Variants in SPG7 observed in about 807,000 individuals in gnomAD.
SPG7 encodes mitochondrial inner membrane m-AAA protease component paraplegin.
Under a neutral mutation model 81.9 loss-of-function variants are expected in SPG7, and 103 were observed. The observed-to-expected ratio is 1.26, with a 90% confidence interval of 1.07 to 1.48. The LOEUF (loss-of-function observed/expected upper bound fraction) is 1.48. Among genes scored for constraint, SPG7 ranks in the 40% most tolerant of loss-of-function variants. The probability of loss-of-function intolerance (pLI) is 0.00; values close to 1 mark genes in which losing one functional copy is unlikely to be tolerated. For synonymous variants in SPG7, 534 were observed against 444.2 expected (o/e 1.20, Z -2.54); for missense variants, 1,241 against 1,087.3 (o/e 1.14, Z -1.99).
chr16:89,517,439 G>A (rs538713685), intron 3 of SPG7: 6 of 152,450 alleles, frequency 3.9e-5, no homozygotes, highest in African/African-American at 9.6e-5. Context: ...CTCCTGGCAT[G>A]TGGTAGGTGC....
intron 3 of SPG7, among the ~76,000 whole-genome samples, chr16:89,515,852 C>T (rs536068366): frequency 2.0e-5 from 3 of 150,328 alleles, no homozygotes; most frequent in African/African-American, 4.9e-5. Flanking sequence ...GGACTACAGG[C>T]GTGCGCCACC....
chr16:89,510,622 C>A (rs755377403), intron 2 of SPG7, 30 bp downstream of exon 2: 3 of 1,306,110 alleles, frequency 2.3e-6, no homozygotes, highest in Non-Finnish European at 2.2e-6. Context: ...AGCAGCTGAG[C>A]ATGACTGCAC....
chr16:89,531,281 C>T (rs1341305649), intron 7 of SPG7: 1 of 257,876 alleles, frequency 3.9e-6, no homozygotes, highest in Non-Finnish European at 7.7e-6. Flanking sequence ...CCTGGCACCT[C>T]GGGGCGCTGA....
chr16:89,549,441 T>C, intron 12 of SPG7: 1 of 360,604 alleles, frequency 2.8e-6, no homozygotes, highest in Non-Finnish European at 5.5e-6. Context: ...GGAGGGTTGC[T>C]TGAGGCCAGG....
intron 1 of SPG7, 110 bp downstream of exon 1, chr16:89,508,710 C>A (rs2057966550): frequency 8.9e-7 from 1 of 1,120,158 alleles, no homozygotes; most frequent in Non-Finnish European, 1.3e-6. Context: ...GGGGAGCCTG[C>A]GCCTGTGGGC....
intron 10 of SPG7, chr16:89,545,531 C>T (rs1399645586): frequency 5.0e-6 from 1 of 199,396 alleles, no homozygotes; most frequent in Non-Finnish European, 1.0e-5. Context: ...CCAGGGGACA[C>T]TGCTTCTCCA....
At chr16:89,554,393 G>C in intron 15 of SPG7, 93 bp from the exon 16 acceptor site, 2 of 841,400 alleles carry the variant, frequency 2.4e-6, no homozygotes, top group South Asian at 2.8e-5. Flanking sequence ...GGAGGGGAAA[G>C]GCCGTGTTCC....
rs1273519058 is a variant in SPG7 at position 89,550,664 on chromosome 16, T to A, written c.1779+55T>A. Reference sequence around the variant, plus strand: ...GCCTTGGCCAAAGGTGGGTGGGGAGTCCCGCCTGTGTCTGTAGCTGACTGG... The same window carrying A: ...GCCTTGGCCAAAGGTGGGTGGGGAGACCCGCCTGTGTCTGTAGCTGACTGG... On this transcript the variant is annotated intron_variant, in intron 13 of 16. Coordinates refer to ENST00000645818, the MANE Select transcript of SPG7 (RefSeq NM_003119.4). 14 of 1,211,598 alleles carry A rather than the reference T, an allele frequency of 1.2e-5. No homozygotes were observed. In the African/African-American group the frequency reaches 2.0e-4, roughly 17 times the overall value. 75.1% of individuals were successfully genotyped at this position (1,211,598 alleles called of 1,614,324 possible).
intron 11 of SPG7, chr16:89,547,098 A>G (rs2058574522): frequency 2.9e-6 from 1 of 347,604 alleles, no homozygotes; most frequent in Non-Finnish European, 5.6e-6. Flanking sequence ...AGTCCCGGCA[A>G]AGCCGCCTCC....
At chr16:89,523,575 G>C in intron 3 of SPG7, 2 of 385,112 alleles carry the variant, frequency 5.2e-6, no homozygotes, top group South Asian at 1.9e-5. Flanking sequence ...CGGCTCGGAC[G>C]GCCTGGGACG....
intron 9 of SPG7, chr16:89,537,190 G>C (rs1255680198): frequency 2.1e-6 from 3 of 1,433,490 alleles, no homozygotes; most frequent in Non-Finnish European, 2.7e-6. Flanking sequence ...GGCCGACGCT[G>C]TGCCGGTCGT....
intron 6 of SPG7, 54 bp downstream of exon 6, chr16:89,529,633 A>ATAC: frequency 7.5e-7 from 1 of 1,325,970 alleles, no homozygotes; most frequent in South Asian, 1.2e-5. Context: ...TGTTTGCTGA[A>ATAC]TACTTTTCCC....
At chr16:89,525,879 GCTGAGT>G (rs1202603691) in intron 4 of SPG7, among the ~76,000 whole-genome samples, 2 of 152,162 alleles carry the variant, frequency 1.3e-5, no homozygotes, top group Non-Finnish European at 2.9e-5. Context: ...TGCAGGTGTA[GCTGAGT>G]CTGAGGCACA....
At position 89,548,497 on chromosome 16, in the gene SPG7, G is replaced by A. The variant is rs978782938; in HGVS notation, c.1663+384G>A. On this transcript the variant is annotated intron_variant, in intron 12 of 16. Transcript: ENST00000645818. ...AGCTCCAGCCGCTGACTGTGGGCCG[G>A]AGGGCTGCTGCCGCCCGTGGCTGTG... 7.0e-4 allele frequency: 212 copies of A among 304,320 alleles called. 1 individual carries two copies. The highest frequency in any genetic ancestry group is 3.7e-4 in the Non-Finnish European group (59 of 157,512). The allele number at this position is 304,320 out of a possible 1,614,324, so 18.9% of individuals were successfully genotyped here.
At chr16:89,508,939 C>T (rs1291746891) in intron 1 of SPG7, 6 of 524,392 alleles carry the variant, frequency 1.1e-5, no homozygotes, top group Non-Finnish European at 1.8e-5. Context: ...AATTTACAGT[C>T]CACGCCTGTG....
chr16:89,512,881 G>A (rs942466321), intron 2 of SPG7, 67 bp from the exon 3 acceptor site: 60 of 1,582,038 alleles, frequency 3.8e-5, no homozygotes, highest in Non-Finnish European at 4.7e-5. Flanking sequence ...GGAGTACACT[G>A]TTGTCCTGTA....
At chr16:89,541,571 TGA>T (rs2058496849) in intron 9 of SPG7, 1 of 154,974 alleles carries the variant, frequency 6.5e-6, no homozygotes, top group South Asian at 2.0e-4. Context: ...CACACACAGG[TGA>T]GAGCACATAG....
intron 11 of SPG7, 114 bp from the exon 12 acceptor site, chr16:89,547,889 A>G: frequency 1.2e-6 from 1 of 814,164 alleles, no homozygotes; most frequent in Non-Finnish European, 2.2e-6. Context: ...CTGGGATTAC[A>G]GGGGTGAGCC....
chr16:89,527,090 A>C, intron 5 of SPG7: 1 of 177,978 alleles, frequency 5.6e-6, no homozygotes, highest in South Asian at 1.1e-4. Context: ...AATACCCAAT[A>C]CCCTGTAAAT....
Sources: gnomAD v4.1 joint callset for allele counts (sites outside exome capture counted in the v4.1 genomes callset) on GRCh38, gnomAD v4.1.1 for gene constraint, MANE v1.5 for transcripts, NCBI Gene and HGNC (gene_info 2026-07-23, HGNC 2026-07-21) for gene names.